Variants in RHBDL3 observed in about 807,000 individuals in gnomAD.
The protein encoded by RHBDL3 is rhomboid like 3, also known as rhomboid-related protein 3.
RHBDL3 carries 28 observed loss-of-function variants against 48.2 expected under a neutral mutation model. The observed-to-expected ratio is 0.58, with a 90% confidence interval of 0.43 to 0.80. RHBDL3 has a LOEUF of 0.80. Ranked by LOEUF, RHBDL3 falls within the 30% of genes least tolerant of loss-of-function variation. The pLI is 0.00. For synonymous variants in RHBDL3, 208 were observed against 232.3 expected (o/e 0.90, Z 0.95); for missense variants, 464 against 542.7 (o/e 0.85, Z 1.44).
chr17:32,292,620 A>G (rs1369496995), intron 4 of RHBDL3, among the ~76,000 whole-genome samples: 1 of 151,984 alleles, frequency 6.6e-6, no homozygotes, highest in Non-Finnish European at 1.5e-5. Flanking sequence ...CCTGGTTAAC[A>G]TGGTGAAATG....
At chr17:32,300,727 G>A (rs1567781107) in intron 6 of RHBDL3, among the ~76,000 whole-genome samples, 2 of 152,152 alleles carry the variant, frequency 1.3e-5, no homozygotes, top group African/African-American at 2.4e-5. Flanking sequence ...GCGGATGATC[G>A]TGGATGCTAT....
At chr17:32,298,234 G>A (rs1449096109) in intron 6 of RHBDL3, 30 bp downstream of exon 6, 1 of 1,469,922 alleles carries the variant, frequency 6.8e-7, no homozygotes, top group African/African-American at 1.4e-5. Flanking sequence ...GTCCACAAAG[G>A]CACACTGCCC....
At chr17:32,280,122 T>C (rs1426060823) in intron 2 of RHBDL3, among the ~76,000 whole-genome samples, 2 of 152,154 alleles carry the variant, frequency 1.3e-5, no homozygotes, top group Non-Finnish European at 2.9e-5. Flanking sequence ...AATGTGGACT[T>C]GGCCGCCCCT....
chr17:32,284,467 G>A (rs1430779358), intron 2 of RHBDL3, 192 bp from the exon 3 acceptor site: 8 of 555,690 alleles, frequency 1.4e-5, no homozygotes, highest in Non-Finnish European at 2.5e-5. Context: ...GATCCTGAAG[G>A]TCTGCAGGTC....
At chr17:32,267,638 C>G (rs2039668588) in intron 1 of RHBDL3, 1 of 455,448 alleles carries the variant, frequency 2.2e-6, no homozygotes, top group East Asian at 1.6e-4. Context: ...AGTTCCAGAA[C>G]CAGCAACACC....
intron 2 of RHBDL3, among the ~76,000 whole-genome samples, chr17:32,282,687 A>G (rs2040083428): frequency 6.6e-6 from 1 of 151,996 alleles, no homozygotes; most frequent in African/African-American, 2.4e-5. Flanking sequence ...CAGTGGCACG[A>G]TGTCGGCTCA....
chr17:32,313,581 C>A (rs1234782162), intron 7 of RHBDL3, among the ~76,000 whole-genome samples: 1 of 152,012 alleles, frequency 6.6e-6, no homozygotes, highest in African/African-American at 2.4e-5. Context: ...CCCCTCCTCC[C>A]TCCAGCCCCT....
intron 7 of RHBDL3, among the ~76,000 whole-genome samples, chr17:32,311,403 G>A (rs2040845922): frequency 6.6e-6 from 1 of 152,180 alleles, no homozygotes; most frequent in South Asian, 2.1e-4. Context: ...CTCGGCTGCT[G>A]GGAGGCAGGT....
chr17:32,275,654 G>T (rs2039880026), intron 2 of RHBDL3, among the ~76,000 whole-genome samples: 1 of 152,172 alleles, frequency 6.6e-6, no homozygotes, highest in South Asian at 2.1e-4. Flanking sequence ...TTCAGGCCAG[G>T]ATGCCTGTCT....
intron 2 of RHBDL3, among the ~76,000 whole-genome samples, chr17:32,271,953 G>C (rs933200232): frequency 1.3e-5 from 2 of 152,212 alleles, no homozygotes; most frequent in East Asian, 3.8e-4. Flanking sequence ...GCTGGGGTCA[G>C]AAACTTGGAT....
intron 2 of RHBDL3, among the ~76,000 whole-genome samples, chr17:32,278,412 T>C (rs1013726070): frequency 3.9e-5 from 6 of 152,238 alleles, no homozygotes; most frequent in Admixed American, 1.3e-4. Context: ...GAACTATTTC[T>C]GTCTTGACCG....
intron 8 of RHBDL3, among the ~76,000 whole-genome samples, chr17:32,317,373 C>A (rs569451672): frequency 2.0e-5 from 3 of 152,294 alleles, no homozygotes; most frequent in Non-Finnish European, 2.9e-5. Flanking sequence ...ACACATATAT[C>A]AAAAGCTGCA....
chr17:32,284,141 T>G (rs1454823224), intron 2 of RHBDL3: 2 of 152,946 alleles, frequency 1.3e-5, no homozygotes, highest in Admixed American at 6.5e-5. Context: ...CCACCAATCC[T>G]CCCCGCCTGG....
At chr17:32,308,302 G>T (rs2040758058) in intron 7 of RHBDL3, among the ~76,000 whole-genome samples, 1 of 152,194 alleles carries the variant, frequency 6.6e-6, no homozygotes, top group African/African-American at 2.4e-5. Flanking sequence ...GGTTGTGTGG[G>T]TTGGGCGCGC....
At chr17:32,269,805 A>G (rs971820585) in intron 2 of RHBDL3, among the ~76,000 whole-genome samples, 5 of 152,140 alleles carry the variant, frequency 3.3e-5, no homozygotes, top group Admixed American at 2.6e-4. Flanking sequence ...TTCCTTTGCC[A>G]GTCCCTGTGT....
chr17:32,268,038 TG>T (rs2039679509), intron 2 of RHBDL3, 113 bp downstream of exon 2: 4 of 834,974 alleles, frequency 4.8e-6, no homozygotes, highest in Non-Finnish European at 6.3e-6. Context: ...TGACGTGGGG[TG>T]GGGGTGTGGC....
intron 8 of RHBDL3, among the ~76,000 whole-genome samples, chr17:32,319,472 A>C (rs926506551): frequency 6.6e-6 from 1 of 152,130 alleles, no homozygotes; most frequent in African/African-American, 2.4e-5. Flanking sequence ...TAAAAACTAA[A>C]ATGCTGTATC....
At chr17:32,315,944 T>C (rs904387012) in intron 7 of RHBDL3, among the ~76,000 whole-genome samples, 3 of 151,962 alleles carry the variant, frequency 2.0e-5, no homozygotes, top group African/African-American at 7.2e-5. Flanking sequence ...CAGCAATGAA[T>C]GCAGCTCTGA....
chr17:32,294,465 T>C (rs890474446), intron 5 of RHBDL3, 23 bp downstream of exon 5: 1 of 1,607,930 alleles, frequency 6.2e-7, no homozygotes, highest in East Asian at 2.2e-5. Flanking sequence ...CTTCTTTTGC[T>C]CTGTCAAAAG....
Sources: allele counts gnomAD v4.1 joint callset (sites outside exome capture counted in the v4.1 genomes callset), GRCh38; gene constraint gnomAD v4.1.1; transcripts MANE v1.5; gene names NCBI Gene and HGNC (gene_info 2026-07-23, HGNC 2026-07-21).